MAP7D3: variants seen among roughly 807,000 people sequenced by gnomAD.
MAP7D3 encodes the protein MAP7 domain containing 3, also known as MAP7 domain-containing protein 3.
A neutral mutation model predicts 62.2 loss-of-function variants in MAP7D3; 45 were observed. That is an observed-to-expected ratio of 0.72 (90% confidence interval 0.57 to 0.93). The LOEUF is 0.93. Ranked by LOEUF, MAP7D3 falls within the 40% of genes least tolerant of loss-of-function variation. The pLI is 0.00. For missense variants in MAP7D3, 711 were observed against 683.1 expected, an observed-to-expected ratio of 1.04 and a Z score of -0.45; for synonymous variants, 288 against 248.8, an observed-to-expected ratio of 1.16 and a Z score of -1.48.
At chrX:136,227,206 C>CA (rs2074208028) in intron 12 of MAP7D3, 78 bp downstream of exon 12, 1 of 893,895 alleles carries the variant, frequency 1.1e-6, no homozygotes, top group East Asian at 3.3e-5. Flanking sequence ...TTCTCAGAGA[C>CA]AGAGATTTTT....
At chrX:136,213,292 G>T (rs370764030), downstream of MAP7D3, 33 of 111,472 alleles carry the variant, frequency 3.0e-4, no homozygotes, top group African/African-American at 1.0e-3. Flanking sequence ...CAGGAGAAAT[G>T]AGGGTAAATT....
At chrX:136,237,681 A>G (rs1447758475) in intron 6 of MAP7D3, among the ~76,000 whole-genome samples, 1 of 112,071 alleles carries the variant, frequency 8.9e-6, no homozygotes, top group Non-Finnish European at 1.9e-5. Context: ...GCTCCTTCAC[A>G]GTACAATTTA....
At position 136,225,945 on chromosome X, in the gene MAP7D3, C is replaced by T; in HGVS notation, c.2103G>A (p.Met701Ile). The change falls in exon 13 of 19, where the codon ATG becomes ATA. Residue 701 changes from methionine (M) to isoleucine (I), a missense_variant. Transcript: ENST00000316077. ...DKRKKEHERI[M>I]LQNLQERLER... is the part of the protein sequence containing the mutation. The stretch of plus-strand genomic sequence containing the variant: ...CTAACCGTTCTTGTAAATTTTGTAA[C>T]ATAATTCTCTCGTGTTCTTTCTTGC... The T allele has an allele frequency of 8.3e-7, 1 of 1,203,471 alleles. No homozygotes were observed. Among genetic ancestry groups the T allele is most frequent in the Middle Eastern group, 2.3e-4 (1 of 4,337 alleles).
intron 16 of MAP7D3, 145 bp downstream of exon 16, chrX:136,220,620 G>A (rs994920426): frequency 7.7e-6 from 4 of 516,488 alleles, no homozygotes. Context: ...CTGTTGTGGG[G>A]ATGAGTTTAT....
chrX:136,238,517 A>C (rs1386890538), intron 6 of MAP7D3, among the ~76,000 whole-genome samples: 1 of 112,140 alleles, frequency 8.9e-6, no homozygotes, highest in Non-Finnish European at 1.9e-5. Context: ...TTGGTGAATA[A>C]TAAATTAATT....
In MAP7D3 at chrX:136,225,150, T is replaced by G. The variant is rs144908649; in HGVS notation, c.2140-270A>C. On this transcript the variant is annotated intron_variant, in intron 13 of 18. Coordinates refer to ENST00000316077, the MANE Select transcript of MAP7D3 (RefSeq NM_024597.4). Reference sequence around the variant, plus strand: ...AACATCTCACTCCTAATTTTGCATATGCAGAAATTCATTAGACTAAGCATA... The same window carrying G: ...AACATCTCACTCCTAATTTTGCATAGGCAGAAATTCATTAGACTAAGCATA... Among the ~76,000 whole-genome samples, 476 of 112,774 alleles carry G rather than the reference T, an allele frequency of 4.2e-3. 3 individuals carry two copies. The highest frequency in any genetic ancestry group is 0.014 in the African/African-American group (433 of 31,060).
At chrX:136,237,663 T>C (rs1004265730) in intron 6 of MAP7D3, among the ~76,000 whole-genome samples, 2 of 112,283 alleles carry the variant, frequency 1.8e-5, no homozygotes, top group Non-Finnish European at 3.8e-5. Context: ...AAAGTTTTAT[T>C]TGGAATTGCT....
chrX:136,246,382 C>G (rs770901396), intron 1 of MAP7D3, 41 bp from the exon 2 acceptor site: 1 of 902,129 alleles, frequency 1.1e-6, no homozygotes, highest in Non-Finnish European at 1.6e-6. Context: ...GTTAAGAATA[C>G]GGATAGCTAA....
chrX:136,223,657 A>G (rs1038666475), intron 14 of MAP7D3, among the ~76,000 whole-genome samples: 8 of 111,471 alleles, frequency 7.2e-5, no homozygotes, highest in Non-Finnish European at 1.5e-4. Context: ...ACTTCACCAA[A>G]GCAAATCTCC....
intron 10 of MAP7D3, among the ~76,000 whole-genome samples, chrX:136,229,961 GTGTATA>G (rs764667722): frequency 0.34 from 21,813 of 63,600 alleles, 3,550 homozygotes; most frequent in East Asian, 0.6. Context: ...TTTTTTGTGT[GTGTATA>G]TATATATATA....
downstream of MAP7D3, chrX:136,214,391 A>C (rs895050721): frequency 9.0e-6 from 1 of 111,650 alleles, no homozygotes; most frequent in Non-Finnish European, 1.9e-5. Context: ...CCCTGACATG[A>C]TAAAATGTCA....
rs2074226684 is a variant in MAP7D3 at position 136,228,643 on chromosome X, TTG to T, written c.1864_1865del (p.Gln622ThrfsTer10). 1 of 1,206,474 alleles carries T rather than the reference TTG, an allele frequency of 8.3e-7. No homozygotes were observed. Among genetic ancestry groups the T allele is most frequent in the Non-Finnish European group, 1.1e-6 (1 of 893,795 alleles). The part of the protein sequence containing the change: ...EQREKEEEER[Q>X]REEMQQRVIK... ...CTGACCTTTGCTGCATTTCTTCCCG[TTG>T]TCTTTCTTCTTCCTCTTTTTCTCTT... On this transcript the variant is annotated frameshift_variant, in exon 11 of 19. Coordinates refer to ENST00000316077, the MANE Select transcript of MAP7D3 (RefSeq NM_024597.4). LOFTEE classifies it high-confidence loss of function.
In MAP7D3 at chrX:136,220,781, G is replaced by A; in HGVS notation, c.2470C>T (p.Gln824Ter). 1 of 1,207,939 alleles carries A rather than the reference G, an allele frequency of 8.3e-7. No individual in the cohort carries two copies. The highest frequency in any genetic ancestry group is 1.1e-6 in the Non-Finnish European group (1 of 892,232). The part of the protein sequence containing the change: ...RQKSMKDTSI[Q>*]EVVSRPSSKR... ...GTGACTCACCTTGAAACTACTTCCT[G>A]TATTGAAGTGTCTTTCATGCTTTTT... The change falls in exon 16 of 19, where the codon CAG (glutamine) becomes TAG (stop). Residue 824 changes from glutamine to a stop codon, truncating the protein, a stop_gained. Coordinates refer to ENST00000316077, the MANE Select transcript of MAP7D3 (RefSeq NM_024597.4). LOFTEE classifies it high-confidence loss of function.
Position 136,241,259 on chromosome X carries a change from G to A in MAP7D3, c.436C>T (p.Leu146Phe). ...CTCCTCCGTTCCAAAGTACGATAAA[G>A]AATGGCTGTAAATTTTTCCTATTTA... is the stretch of plus-strand genomic sequence containing the variant. ...EAQKEKFTAI[L>F]YRTLERRRLA... is the part of the protein sequence containing the mutation. Residue 146 changes from leucine (L) to phenylalanine (F), a missense_variant, in exon 5 of 19, where the codon CTT (leucine) becomes TTT (phenylalanine). Transcript: ENST00000316077. The A allele has an allele frequency of 8.8e-7, 1 of 1,131,437 alleles. No individual in the cohort carries two copies. The highest frequency in any genetic ancestry group is 1.2e-6 in the Non-Finnish European group (1 of 840,131). The allele number at this position is 1,131,437 out of a possible 1,213,427, so 93.2% of individuals were successfully genotyped here. A position where few individuals can be genotyped will look rare whatever the true frequency, so the allele number is the denominator to read the frequency against.
At chrX:136,239,863 C>T (rs1173389204) in intron 6 of MAP7D3, among the ~76,000 whole-genome samples, 2 of 111,853 alleles carry the variant, frequency 1.8e-5, no homozygotes, top group African/African-American at 6.5e-5. Context: ...TACTGAGGTC[C>T]AATAATCCCA....
rs1050655942 is a variant in MAP7D3 at position 136,251,351 on chromosome X, G to A, written c.8C>T (p.Ala3Val). 1.8e-6 allele frequency: 2 copies of A among 1,121,377 alleles called. No individual in the cohort carries two copies. Among genetic ancestry groups the A allele is most frequent in the Non-Finnish European group, 2.3e-6 (2 of 856,648 alleles). 92.4% of individuals were successfully genotyped at this position (1,121,377 alleles called of 1,213,427 possible). A position where few individuals can be genotyped will look rare whatever the true frequency, so the allele number is the denominator to read the frequency against. MM[A>V]DGAAAGAGGS... ...GCCAGCGCCAGCTGCGGCGCCGTCC[G>A]CCATCATCGGAGTCGGGACCGGAGG... is the stretch of plus-strand genomic sequence containing the variant. Residue 3 changes from alanine to valine, a missense_variant, in exon 1 of 19, where the codon GCG becomes GTG. By Grantham distance (64) the Ala-to-Val change is moderately conservative (BLOSUM62 0). Transcript: ENST00000316077.
upstream of MAP7D3, among the ~76,000 whole-genome samples, chrX:136,254,089 TTTC>T (rs1168994694): frequency 9.1e-6 from 1 of 109,577 alleles, no homozygotes; most frequent in Non-Finnish European, 1.9e-5. Flanking sequence ...TAGATAATTT[TTTC>T]TTTATTTTTT....
chrX:136,244,613 A>G lies in MAP7D3; in HGVS notation c.417+19T>C, dbSNP rs1249372498. The G allele has an allele frequency of 1.7e-6, 2 of 1,198,050 alleles. No individual in the cohort carries two copies. Among genetic ancestry groups the G allele is most frequent in the African/African-American group, 1.8e-5 (1 of 56,845 alleles). The stretch of plus-strand genomic sequence containing the variant: ...CAACACAGTTTATCCTCTCATGCAC[A>G]GGCTGCAAAATTATGTACCTTTTGT... On this transcript the variant is annotated intron_variant, in intron 4 of 18. Coordinates refer to ENST00000316077, the MANE Select transcript of MAP7D3 (RefSeq NM_024597.4).
upstream of MAP7D3, chrX:136,251,546 C>A (rs1269204291): frequency 1.2e-6 from 1 of 834,670 alleles, no homozygotes; most frequent in African/African-American, 2.2e-5. Context: ...TTGCGTCCCA[C>A]GTCCTGACCG....
Sources: allele counts gnomAD v4.1 joint callset (sites outside exome capture counted in the v4.1 genomes callset), GRCh38; gene constraint gnomAD v4.1.1; transcripts MANE v1.5; gene names NCBI Gene and HGNC (gene_info 2026-07-23, HGNC 2026-07-21).